The following SUGCT variants were observed in gnomAD, a reference collection of about 807,000 sequenced individuals.
The protein encoded by SUGCT is succinyl-CoA:glutarate-CoA transferase.
In SUGCT, 41 loss-of-function variants were observed where a neutral mutation model predicts 55.0. The observed-to-expected ratio is 0.74, with a 90% confidence interval of 0.58 to 0.97. The LOEUF (loss-of-function observed/expected upper bound fraction) is 0.97. SUGCT is among the 50% of genes least tolerant of loss of function. SUGCT has a pLI of 0.00. For missense variants in SUGCT, 568 were observed against 547.8 expected (o/e 1.04, Z -0.37); for synonymous variants, 187 against 200.4 (o/e 0.93, Z 0.56).
chr7:40,323,824 G>A (rs900416332), intron 9 of SUGCT, among the ~76,000 whole-genome samples: 3 of 152,104 alleles, frequency 2.0e-5, no homozygotes, highest in African/African-American at 7.2e-5. Flanking sequence ...AAGAAAATAT[G>A]CTACTTTGCT....
chr7:40,411,058 G>A (rs1204101880), intron 9 of SUGCT, among the ~76,000 whole-genome samples: 4 of 152,138 alleles, frequency 2.6e-5, no homozygotes, highest in African/African-American at 9.7e-5. Context: ...TATAGAGTGG[G>A]AAAAATGGCT....
At chr7:40,386,390 A>T (rs1785130792) in intron 9 of SUGCT, among the ~76,000 whole-genome samples, 1 of 152,170 alleles carries the variant, frequency 6.6e-6, no homozygotes. Context: ...TCCCTCACTC[A>T]CAAAGTTGTG....
intron 13 of SUGCT, among the ~76,000 whole-genome samples, chr7:40,752,233 T>G (rs1788050886): frequency 6.6e-6 from 1 of 152,154 alleles, no homozygotes; most frequent in Non-Finnish European, 1.5e-5. Flanking sequence ...TCTCTCCTAC[T>G]CTTCTGACGG....
chr7:40,465,074 A>G (rs1229985688), intron 11 of SUGCT, among the ~76,000 whole-genome samples: 1 of 152,254 alleles, frequency 6.6e-6, no homozygotes, highest in Admixed American at 6.5e-5. Context: ...ATGTCATCAT[A>G]AATAAAACTA....
At chr7:40,644,087 T>C (rs1026107290) in intron 12 of SUGCT, among the ~76,000 whole-genome samples, 3 of 152,148 alleles carry the variant, frequency 2.0e-5, no homozygotes, top group Non-Finnish European at 2.9e-5. Context: ...TTACTAGTAA[T>C]AAAGATGATA....
chr7:40,166,149 T>G (rs1784415581), intron 1 of SUGCT, among the ~76,000 whole-genome samples: 1 of 152,076 alleles, frequency 6.6e-6, no homozygotes, highest in Non-Finnish European at 1.5e-5. Context: ...CAATTGCAGC[T>G]TTTAGTGGCA....
chr7:41,006,732 A>G, the SUGCT span, among the ~76,000 whole-genome samples: 1 of 152,240 alleles, frequency 6.6e-6, no homozygotes, highest in Non-Finnish European at 1.5e-5. Context: ...TATGGAATTC[A>G]GCCAGTCTAC....
the SUGCT span, among the ~76,000 whole-genome samples, chr7:41,016,493 C>T: frequency 6.6e-6 from 1 of 152,066 alleles, no homozygotes; most frequent in Non-Finnish European, 1.5e-5. Context: ...TTTCTTTAAA[C>T]TCAAATTTGC....
chr7:40,873,293 T>C, the SUGCT span, among the ~76,000 whole-genome samples: 1 of 152,094 alleles, frequency 6.6e-6, no homozygotes, highest in Non-Finnish European at 1.5e-5. Context: ...TGGAAAAAAA[T>C]ATTTAAAGGT....
intron 12 of SUGCT, among the ~76,000 whole-genome samples, chr7:40,605,003 G>A (rs759999181): frequency 1.2e-4 from 18 of 152,208 alleles, no homozygotes; most frequent in Admixed American, 7.9e-4. Context: ...GGCGTTGCAC[G>A]GTATTGGGGG....
chr7:40,461,321 A>G (rs1042270343), intron 11 of SUGCT, among the ~76,000 whole-genome samples: 2 of 152,142 alleles, frequency 1.3e-5, no homozygotes, highest in African/African-American at 4.8e-5. Context: ...GTGCTTCATA[A>G]GTTACATGAT....
intron 12 of SUGCT, among the ~76,000 whole-genome samples, chr7:40,554,997 C>T (rs149884687): frequency 1.1e-4 from 16 of 152,170 alleles, no homozygotes; most frequent in Non-Finnish European, 1.9e-4. Flanking sequence ...AACTGCTATT[C>T]CTTCATAAAC....
chr7:40,329,571 G>A (rs769320536), intron 9 of SUGCT, among the ~76,000 whole-genome samples: 6 of 152,190 alleles, frequency 3.9e-5, no homozygotes, highest in Non-Finnish European at 7.3e-5. Context: ...AAGCAGGTGC[G>A]AAATGCTCTG....
intron 12 of SUGCT, chr7:40,546,942 T>C (rs1229318832): frequency 6.6e-6 from 1 of 152,154 alleles, no homozygotes; most frequent in Non-Finnish European, 1.5e-5. Flanking sequence ...TCATAATCTT[T>C]TATGTATTAG....
the SUGCT span, among the ~76,000 whole-genome samples, chr7:40,900,326 A>C: frequency 6.6e-6 from 1 of 152,158 alleles, no homozygotes; most frequent in Non-Finnish European, 1.5e-5. Flanking sequence ...TGATTGCCTG[A>C]CTTCCCGGCA....
At chr7:40,325,607 C>A (rs868626947) in intron 9 of SUGCT, among the ~76,000 whole-genome samples, 1 of 152,122 alleles carries the variant, frequency 6.6e-6, no homozygotes, top group Non-Finnish European at 1.5e-5. Flanking sequence ...CTGTTTGTGA[C>A]CAGCCTGGCC....
intron 11 of SUGCT, among the ~76,000 whole-genome samples, chr7:40,485,394 G>GTA (rs1002474979): frequency 6.1e-5 from 9 of 146,372 alleles, no homozygotes; most frequent in Middle Eastern, 3.7e-3. Flanking sequence ...GATAATATAG[G>GTA]TATATATATA....
At chr7:40,380,504 C>T (rs1784816787) in intron 9 of SUGCT, among the ~76,000 whole-genome samples, 1 of 152,176 alleles carries the variant, frequency 6.6e-6, no homozygotes. Flanking sequence ...AGCTTGCCTC[C>T]TCCGAGTTGC....
At chr7:40,969,830 A>G in the SUGCT span, among the ~76,000 whole-genome samples, 1 of 152,224 alleles carries the variant, frequency 6.6e-6, no homozygotes, top group Admixed American at 6.5e-5. Flanking sequence ...AATAAATTAC[A>G]GAAAAGGTTT....
Sources: allele counts gnomAD v4.1 joint callset (sites outside exome capture counted in the v4.1 genomes callset), GRCh38; gene constraint gnomAD v4.1.1; transcripts MANE v1.5; gene names NCBI Gene and HGNC (gene_info 2026-07-23, HGNC 2026-07-21).